Variants in SEMA5B observed in about 807,000 individuals in gnomAD.
SEMA5B encodes the protein semaphorin 5B.
Under a neutral mutation model 135.0 loss-of-function variants are expected in SEMA5B, and 66 were observed. The ratio of observed to expected loss-of-function variants is 0.49; its 90% CI spans 0.40 to 0.60. The LOEUF (loss-of-function observed/expected upper bound fraction) is 0.60. Among genes scored for constraint, SEMA5B ranks in the 20% least tolerant of loss-of-function variants. The pLI, the probability that SEMA5B is intolerant of heterozygous loss-of-function variation, is 0.00. For synonymous variants in SEMA5B, 690 were observed against 639.5 expected, an observed-to-expected ratio of 1.08 and a Z score of -1.19; for missense variants, 1,501 against 1,566.3, an observed-to-expected ratio of 0.96 and a Z score of 0.70.
At chr3:122,976,441 G>A (rs7432970) in intron 1 of SEMA5B, among the ~76,000 whole-genome samples, 23,419 of 152,156 alleles carry the variant, frequency 0.15, 2,402 homozygotes, top group Admixed American at 0.34. Flanking sequence ...CCACTTGGGT[G>A]GCTTTGAAAA....
intron 22 of SEMA5B, 73 bp downstream of exon 22, chr3:122,910,767 A>G (rs1236173071): frequency 5.0e-5 from 61 of 1,227,838 alleles, no homozygotes; most frequent in East Asian, 3.9e-4. Flanking sequence ...CCGAGATCCC[A>G]CCACTGCACT....
At chr3:122,975,691 C>G (rs2107661686) in intron 1 of SEMA5B, among the ~76,000 whole-genome samples, 1 of 152,262 alleles carries the variant, frequency 6.6e-6, no homozygotes, top group Non-Finnish European at 1.5e-5. Context: ...GACCTTCCAT[C>G]TCTCTCTCCA....
Position 122,926,578 on chromosome 3 carries a change from C to T in SEMA5B, c.950G>A (p.Arg317His), listed in dbSNP as rs146308390. ...EHDCGRTVYS[R>H]VARVCKNDVG... ...GTCATTCTTGCACACGCGGGCCACG[C>T]GAGAGTACACGGTGCGTCCACAGTC... The change falls in exon 9 of 23, where the codon CGC becomes CAC. Residue 317 changes from arginine to histidine, a missense_variant. Around this residue, in one of 2 missense-constraint regions of SEMA5B, gnomAD observed 574 missense variants for 684.7 expected, o/e 0.84. Transcript: ENST00000357599. 1.9e-6 allele frequency: 3 copies of T among 1,614,152 alleles called. No homozygotes were observed. The highest frequency in any genetic ancestry group is 2.5e-6 in the Non-Finnish European group (3 of 1,180,026).
intron 12 of SEMA5B, among the ~76,000 whole-genome samples, chr3:122,918,857 G>C (rs147369295): frequency 1.4e-3 from 219 of 152,316 alleles, no homozygotes; most frequent in Non-Finnish European, 2.7e-3. Context: ...AAAGCTTACA[G>C]AGCAGGGAAC....
At chr3:122,984,075 C>G (rs73856788) in intron 1 of SEMA5B, among the ~76,000 whole-genome samples, 6,643 of 152,324 alleles carry the variant, frequency 0.044, 439 homozygotes, top group African/African-American at 0.15. Flanking sequence ...GCCGCCTTTG[C>G]CTTCCTACAA....
chr3:122,992,408 T>C (rs947901039), intron 1 of SEMA5B, among the ~76,000 whole-genome samples: 1 of 152,212 alleles, frequency 6.6e-6, no homozygotes, highest in African/African-American at 2.4e-5. Context: ...GCCCTTCACC[T>C]AGCAGGGGTT....
At chr3:122,988,887 A>G (rs1447395280) in intron 1 of SEMA5B, among the ~76,000 whole-genome samples, 3 of 152,232 alleles carry the variant, frequency 2.0e-5, no homozygotes, top group Non-Finnish European at 4.4e-5. Context: ...ATTCGGTAAA[A>G]GTTGGATAAA....
At chr3:122,974,099 A>C (rs1453730616) in intron 1 of SEMA5B, among the ~76,000 whole-genome samples, 2 of 151,770 alleles carry the variant, frequency 1.3e-5, no homozygotes, top group South Asian at 2.1e-4. Flanking sequence ...CAGGCACACC[A>C]CCCCCCATCT....
intron 1 of SEMA5B, among the ~76,000 whole-genome samples, chr3:122,991,251 A>G (rs1941868106): frequency 6.6e-6 from 1 of 152,188 alleles, no homozygotes; most frequent in South Asian, 2.1e-4. Context: ...TCACACACAG[A>G]GCACAAGCCT....
chr3:122,990,153 G>A (rs1305903576), intron 1 of SEMA5B, among the ~76,000 whole-genome samples: 3 of 152,222 alleles, frequency 2.0e-5, no homozygotes, highest in South Asian at 2.1e-4. Context: ...ACCTCTCAGC[G>A]CCCTTCCACA....
intron 1 of SEMA5B, among the ~76,000 whole-genome samples, chr3:123,008,563 G>C (rs1051609726): frequency 6.6e-6 from 1 of 152,166 alleles, no homozygotes; most frequent in Non-Finnish European, 1.5e-5. Context: ...GAGTGAGGAC[G>C]AGGTGTGGAG....
At chr3:122,975,744 C>A (rs1941296077) in intron 1 of SEMA5B, among the ~76,000 whole-genome samples, 1 of 152,096 alleles carries the variant, frequency 6.6e-6, no homozygotes, top group South Asian at 2.1e-4. Flanking sequence ...TATCTTTCAT[C>A]TCTCCTCTCC....
At chr3:123,025,047 C>A (rs974732206) in intron 1 of SEMA5B, among the ~76,000 whole-genome samples, 3 of 152,182 alleles carry the variant, frequency 2.0e-5, no homozygotes, top group African/African-American at 4.8e-5. Context: ...TTCAAACAAG[C>A]CAGGAAGTTC....
intron 1 of SEMA5B, among the ~76,000 whole-genome samples, chr3:122,966,620 T>C (rs1366992141): frequency 1.3e-5 from 2 of 150,272 alleles, no homozygotes; most frequent in African/African-American, 2.4e-5. Flanking sequence ...AGTGGCGTGA[T>C]CTCAGCTCAC....
In SEMA5B at chr3:122,912,161, G is replaced by GTGC. The variant is rs779299426; in HGVS notation, c.2896+8_2896+10dup. 4 of 1,581,590 alleles carry GTGC rather than the reference G, an allele frequency of 2.5e-6. No individual in the cohort carries two copies. The African/African-American group carries it at 5.4e-5, about 21-fold the overall frequency. ...TGTCGCTTCCCAGCCCTGGCGGGAT[G>GTGC]TGCCTCATACCTGGGCAGGCCTGTG... On this transcript the variant is annotated intron_variant, in intron 19 of 22. Transcript: ENST00000357599.
At chr3:123,011,677 C>T (rs1295714111) in intron 1 of SEMA5B, among the ~76,000 whole-genome samples, 1 of 152,200 alleles carries the variant, frequency 6.6e-6, no homozygotes, top group East Asian at 1.9e-4. Flanking sequence ...AGGACACACG[C>T]TCCTAACAGA....
intron 3 of SEMA5B, among the ~76,000 whole-genome samples, chr3:122,947,850 C>T (rs1350136216): frequency 6.6e-6 from 1 of 152,144 alleles, no homozygotes; most frequent in South Asian, 2.1e-4. Flanking sequence ...TGACCCCCCC[C>T]AAACTGTGTA....
chr3:122,986,964 G>T (rs1407731013), intron 1 of SEMA5B, among the ~76,000 whole-genome samples: 1 of 152,172 alleles, frequency 6.6e-6, no homozygotes, highest in African/African-American at 2.4e-5. Context: ...TGGGGAAGAA[G>T]AACAGAGAGG....
chr3:122,998,070 C>T (rs779846910), intron 1 of SEMA5B, among the ~76,000 whole-genome samples: 6 of 152,196 alleles, frequency 3.9e-5, no homozygotes, highest in Non-Finnish European at 8.8e-5. Context: ...AGCAGCAAGG[C>T]CACAGCCTGT....
Sources: allele counts gnomAD v4.1 joint callset (sites outside exome capture counted in the v4.1 genomes callset), GRCh38; gene constraint gnomAD v4.1.1; regional missense constraint gnomAD v4.1.1; transcripts MANE v1.5; gene names NCBI Gene and HGNC (gene_info 2026-07-23, HGNC 2026-07-21).